Variants in DSCAML1 observed in about 807,000 individuals in gnomAD.
DSCAML1 encodes cell adhesion molecule DSCAML1.
A neutral mutation model predicts 200.5 loss-of-function variants in DSCAML1; 38 were observed. The observed-to-expected ratio is 0.19, with a 90% CI of 0.15 to 0.25. The LOEUF (loss-of-function observed/expected upper bound fraction) is 0.25. Among genes scored for constraint, DSCAML1 ranks in the 10% least tolerant of loss-of-function variants. The probability of loss-of-function intolerance (pLI) is 1.00; values close to 1 mark genes in which losing one functional copy is unlikely to be tolerated. For synonymous variants in DSCAML1, 1,215 were observed against 1,165.0 expected, an observed-to-expected ratio of 1.04 and a Z score of -0.87; for missense variants, 2,223 against 2,858.8, an observed-to-expected ratio of 0.78 and a Z score of 5.07.
intron 28 of DSCAML1, 44 bp from the exon 29 acceptor site, chr11:117,433,300 G>A (rs2047841339): frequency 6.3e-7 from 1 of 1,582,332 alleles, no homozygotes; most frequent in African/African-American, 1.4e-5. Flanking sequence ...CAGCCATAAG[G>A]GGTTGGGGAA....
At chr11:117,569,966 G>C (rs2050819677) in intron 3 of DSCAML1, among the ~76,000 whole-genome samples, 1 of 152,190 alleles carries the variant, frequency 6.6e-6, no homozygotes, top group South Asian at 2.1e-4. Flanking sequence ...ACTTGTATAA[G>C]ATTAAGTCAT....
intron 3 of DSCAML1, among the ~76,000 whole-genome samples, chr11:117,661,888 C>T (rs2052862164): frequency 6.6e-6 from 1 of 152,202 alleles, no homozygotes; most frequent in Non-Finnish European, 1.5e-5. Flanking sequence ...CACCTTCTAG[C>T]ATAGTCTAGG....
At position 117,428,823 on chromosome 11, in the gene DSCAML1, G is replaced by A. The variant is rs1473985750; in HGVS notation, c.5687-20C>T. 2 of 1,566,728 alleles carry A rather than the reference G, an allele frequency of 1.3e-6. No individual in the cohort carries two copies. Among genetic ancestry groups the A allele is most frequent in the East Asian group, 4.6e-5 (2 of 43,358 alleles). ...AGTCACCTGGAATCACAGAGGCAGA[G>A]GATGTTACAGAGAGTCATAGCCCTC... On this transcript the variant is annotated intron_variant, in intron 32 of 32. Coordinates refer to ENST00000651296, the MANE Select transcript of DSCAML1 (RefSeq NM_020693.4).
chr11:117,634,460 G>C (rs552374222), intron 3 of DSCAML1, among the ~76,000 whole-genome samples: 43 of 152,300 alleles, frequency 2.8e-4, no homozygotes, highest in African/African-American at 1.0e-3. Flanking sequence ...CCTGCCGAAG[G>C]CCCGTCCAGC....
At chr11:117,566,298 T>A (rs910065108) in intron 3 of DSCAML1, among the ~76,000 whole-genome samples, 1 of 151,548 alleles carries the variant, frequency 6.6e-6, no homozygotes, top group Non-Finnish European at 1.5e-5. Flanking sequence ...AAACCCTACA[T>A]CCTTTCTTTT....
At chr11:117,559,983 C>T (rs1307503643) in intron 3 of DSCAML1, among the ~76,000 whole-genome samples, 1 of 152,072 alleles carries the variant, frequency 6.6e-6, no homozygotes, top group African/African-American at 2.4e-5. Context: ...GAAGCTCCAG[C>T]CCCCTGCCCA....
chr11:117,723,072 T>C (rs559369403), intron 3 of DSCAML1, among the ~76,000 whole-genome samples: 44 of 152,330 alleles, frequency 2.9e-4, no homozygotes, highest in African/African-American at 7.9e-4. Flanking sequence ...AAGTACCTCA[T>C]TGGGCTGCTA....
At position 117,756,496 on chromosome 11, in the gene DSCAML1, G is replaced by A. The variant is rs867962999; in HGVS notation, c.511+20295C>T. Among the ~76,000 whole-genome samples, 8 of 152,182 alleles carry A rather than the reference G, an allele frequency of 5.3e-5. No homozygotes were observed. In the South Asian group the frequency reaches 6.2e-4, roughly 12 times the overall value. On this transcript the variant is annotated intron_variant, in intron 3 of 32. Coordinates refer to ENST00000651296, the MANE Select transcript of DSCAML1 (RefSeq NM_020693.4). Reference sequence around the variant, plus strand: ...ACGATGAGAATACAAATCTTCCTGCGAGCTTGCAGACATCCTGGGAAGGAC... The same window carrying A: ...ACGATGAGAATACAAATCTTCCTGCAAGCTTGCAGACATCCTGGGAAGGAC...
At position 117,440,920 on chromosome 11, in the gene DSCAML1, C is replaced by CAAAAA. The variant is rs1170541792; in HGVS notation, c.3863-989_3863-985dup. 5.8e-4 allele frequency among the ~76,000 whole-genome samples: 24 copies of CAAAAA among 41,110 alleles called. 1 individual carries two copies. The highest frequency in any genetic ancestry group is 2.2e-3 in the African/African-American group (24 of 11,136). 27.0% of individuals were successfully genotyped at this position (41,110 alleles called of 152,430 possible). On this transcript the variant is annotated intron_variant, in intron 21 of 32. Coordinates refer to ENST00000651296, the MANE Select transcript of DSCAML1 (RefSeq NM_020693.4). ...TGGGTGACAGAGCAAGACTCTGTCTCAAAAAAAAAAAAAAAAAAAAAAAAA... is the reference window on the plus strand; with the variant it reads ...TGGGTGACAGAGCAAGACTCTGTCTCAAAAAAAAAAAAAAAAAAAAAAAAAAAAAA...
Position 117,687,426 on chromosome 11 carries a change from ATTTT to A in DSCAML1, c.511+89361_511+89364del, listed in dbSNP as rs71037492. ...CAGGTGTGCTCCACCATGCCTGGCTATTTTTTTTTTTTTTTTTTTTTTAGAGATG... is the reference window on the plus strand; with the variant it reads ...CAGGTGTGCTCCACCATGCCTGGCTATTTTTTTTTTTTTTTTTTAGAGATG... On this transcript the variant is annotated intron_variant, in intron 3 of 32. Coordinates refer to ENST00000651296, the MANE Select transcript of DSCAML1 (RefSeq NM_020693.4). Among the ~76,000 whole-genome samples, 12 of 97,646 alleles carry A rather than the reference ATTTT, an allele frequency of 1.2e-4. No individual in the cohort carries two copies. The East Asian group carries it at 2.6e-3, about 21-fold the overall frequency. The allele number at this position is 97,646 out of a possible 152,430, so 64.1% of individuals were successfully genotyped here.
chr11:117,719,066 G>A (rs2054003650), intron 3 of DSCAML1, among the ~76,000 whole-genome samples: 1 of 152,178 alleles, frequency 6.6e-6, no homozygotes, highest in Non-Finnish European at 1.5e-5. Flanking sequence ...GGTGTGCTAA[G>A]TGTTTTAGTG....
intron 5 of DSCAML1, among the ~76,000 whole-genome samples, chr11:117,524,173 C>T (rs1296721114): frequency 5.3e-5 from 8 of 152,192 alleles, no homozygotes; most frequent in African/African-American, 1.7e-4. Flanking sequence ...ATGCTAAGGC[C>T]ACCTGCTCTC....
chr11:117,549,322 G>C (rs183012178), intron 3 of DSCAML1, among the ~76,000 whole-genome samples: 19 of 152,326 alleles, frequency 1.2e-4, no homozygotes, highest in African/African-American at 4.6e-4. Flanking sequence ...GTTGGTCACT[G>C]CTCTGGGCTC....
intron 3 of DSCAML1, among the ~76,000 whole-genome samples, chr11:117,693,663 A>C (rs191746472): frequency 2.8e-4 from 43 of 152,290 alleles, no homozygotes; most frequent in African/African-American, 1.0e-3. Context: ...GCTACTAATA[A>C]GCTGCATTTT....
At chr11:117,815,621 G>A (rs2055798706) in intron 1 of DSCAML1, among the ~76,000 whole-genome samples, 1 of 152,070 alleles carries the variant, frequency 6.6e-6, no homozygotes, top group African/African-American at 2.4e-5. Context: ...AGTAGCAGCC[G>A]CGGTGACTGG....
At chr11:117,785,715 T>C (rs1288809238) in intron 1 of DSCAML1, among the ~76,000 whole-genome samples, 1 of 152,138 alleles carries the variant, frequency 6.6e-6, no homozygotes, top group Non-Finnish European at 1.5e-5. Context: ...TTCCCTAAAG[T>C]CTTATTGGCC....
intron 3 of DSCAML1, among the ~76,000 whole-genome samples, chr11:117,764,901 G>A (rs1332875074): frequency 6.6e-6 from 1 of 152,142 alleles, no homozygotes; most frequent in African/African-American, 2.4e-5. Flanking sequence ...CTCTCACATA[G>A]AATGAAGCTC....
chr11:117,528,937 C>A (rs952034018), intron 4 of DSCAML1, among the ~76,000 whole-genome samples: 1 of 151,038 alleles, frequency 6.6e-6, no homozygotes, highest in Admixed American at 6.6e-5. Context: ...CCCCCGCCCC[C>A]CCCCTTGGGA....
intron 3 of DSCAML1, among the ~76,000 whole-genome samples, chr11:117,573,979 C>A (rs968716605): frequency 6.6e-6 from 1 of 152,224 alleles, no homozygotes; most frequent in Non-Finnish European, 1.5e-5. Context: ...TCTGCTTCCC[C>A]CTGAGCTCCC....
Sources: allele counts gnomAD v4.1 joint callset (sites outside exome capture counted in the v4.1 genomes callset), GRCh38; gene constraint gnomAD v4.1.1; transcripts MANE v1.5; gene names NCBI Gene and HGNC (gene_info 2026-07-23, HGNC 2026-07-21).